The following USP31 variants were observed in gnomAD, a reference collection of about 807,000 sequenced individuals.
The protein encoded by USP31 is ubiquitin specific peptidase 31, also known as ubiquitin carboxyl-terminal hydrolase 31.
A neutral mutation model predicts 119.4 loss-of-function variants in USP31; 44 were observed. That is an observed-to-expected ratio of 0.37 (90% confidence interval 0.29 to 0.47). USP31 has a LOEUF of 0.47. Among genes scored for constraint, USP31 ranks in the 20% least tolerant of loss-of-function variants. USP31 has a pLI of 0.99. For synonymous variants in USP31, 749 were observed against 705.6 expected (o/e 1.06, Z -0.97); for missense variants, 1,643 against 1,730.2 (o/e 0.95, Z 0.89).
At chr16:23,090,019 G>GTAGC (rs1253200632) in intron 7 of USP31, among the ~76,000 whole-genome samples, 1 of 152,198 alleles carries the variant, frequency 6.6e-6, no homozygotes, top group Non-Finnish European at 1.5e-5. Flanking sequence ...TGTCAGGAAA[G>GTAGC]TAGCTGGAAA....
At chr16:23,079,070 T>C (rs997914094) in intron 13 of USP31, 1 of 151,690 alleles carries the variant, frequency 6.6e-6, no homozygotes, top group Non-Finnish European at 1.5e-5. Context: ...GGAGAGAAAA[T>C]GGGAATTAGT....
At chr16:23,090,465 C>T (rs1002283759) in intron 7 of USP31, among the ~76,000 whole-genome samples, 159 bp downstream of exon 7, 1 of 152,056 alleles carries the variant, frequency 6.6e-6, no homozygotes, top group Non-Finnish European at 1.5e-5. Flanking sequence ...CCCGACCAAC[C>T]CCCCAAATCA....
chr16:23,080,580 T>C (rs1249809636), intron 12 of USP31, among the ~76,000 whole-genome samples: 1 of 152,216 alleles, frequency 6.6e-6, no homozygotes, highest in East Asian at 1.9e-4. Flanking sequence ...AGCCTCTTGA[T>C]AAGCAGTGCC....
At chr16:23,134,674 T>TAA (rs371982166) in intron 1 of USP31, among the ~76,000 whole-genome samples, 10 of 86,858 alleles carry the variant, frequency 1.2e-4, no homozygotes, top group Non-Finnish European at 2.3e-4. Flanking sequence ...GAAACAAAGC[T>TAA]AAAAAAAAAA....
intron 1 of USP31, among the ~76,000 whole-genome samples, chr16:23,131,223 G>A (rs922798033): frequency 6.6e-6 from 1 of 152,186 alleles, no homozygotes; most frequent in Non-Finnish European, 1.5e-5. Flanking sequence ...AGGATCTCAA[G>A]CCCTGCAATT....
chr16:23,143,752 G>C (rs1903424366), intron 1 of USP31, among the ~76,000 whole-genome samples: 1 of 152,126 alleles, frequency 6.6e-6, no homozygotes, highest in Admixed American at 6.5e-5. Flanking sequence ...CTTTAGTAAG[G>C]GGGGCTGTCC....
At chr16:23,082,634 A>C in intron 11 of USP31, 77 bp from the exon 12 acceptor site, 1 of 1,589,602 alleles carries the variant, frequency 6.3e-7, no homozygotes, top group South Asian at 1.1e-5. Flanking sequence ...TGCCTTAGCC[A>C]GGGCATGGTG....
chr16:23,146,108 T>C (rs1903494695), intron 1 of USP31, among the ~76,000 whole-genome samples: 1 of 152,116 alleles, frequency 6.6e-6, no homozygotes, highest in Non-Finnish European at 1.5e-5. Flanking sequence ...ACAAAGATGC[T>C]GTAGAAACTG....
intron 1 of USP31, among the ~76,000 whole-genome samples, chr16:23,127,114 T>A (rs566404518): frequency 6.6e-6 from 1 of 152,226 alleles, no homozygotes; most frequent in East Asian, 1.9e-4. Context: ...GGAACCAATC[T>A]ATCAAAATCA....
At position 23,106,201 on chromosome 16, in the gene USP31, A is replaced by AC; in HGVS notation, c.953+11_953+12insG. Reference sequence around the variant, plus strand: ...GAAAATACAGTCTTCATTTTACTAAATCCATTCTTACCTTGTGTGGGGCAG... The same window carrying AC: ...GAAAATACAGTCTTCATTTTACTAAACTCCATTCTTACCTTGTGTGGGGCAG... On this transcript the variant is annotated intron_variant, in intron 4 of 15. Coordinates refer to ENST00000219689, the MANE Select transcript of USP31 (RefSeq NM_020718.4). 1 of 1,614,130 alleles carries AC rather than the reference A, an allele frequency of 6.2e-7. No homozygotes were observed. The highest frequency in any genetic ancestry group is 8.5e-7 in the Non-Finnish European group (1 of 1,179,978).
intron 9 of USP31, 144 bp downstream of exon 9, chr16:23,086,948 T>C: frequency 1.6e-6 from 1 of 609,524 alleles, no homozygotes; most frequent in Non-Finnish European, 2.8e-6. Flanking sequence ...CAAGCACAAA[T>C]CAAAAGTAAA....
intron 12 of USP31, among the ~76,000 whole-genome samples, chr16:23,080,594 T>C (rs531957989): frequency 6.6e-6 from 1 of 152,270 alleles, no homozygotes; most frequent in East Asian, 1.9e-4. Flanking sequence ...CAGTGCCTGT[T>C]CCCCTCCACA....
chr16:23,096,058 T>G (rs745583168), intron 6 of USP31, among the ~76,000 whole-genome samples: 2 of 151,540 alleles, frequency 1.3e-5, no homozygotes, highest in Non-Finnish European at 3.0e-5. Flanking sequence ...GCAAACTGGA[T>G]AGAGTCAAGA....
At chr16:23,139,598 C>G (rs967998984) in intron 1 of USP31, among the ~76,000 whole-genome samples, 1 of 152,088 alleles carries the variant, frequency 6.6e-6, no homozygotes, top group Non-Finnish European at 1.5e-5. Flanking sequence ...TTTTTAGTTT[C>G]CCTCAAAGGC....
chr16:23,079,900 C>T, intron 13 of USP31, 46 bp downstream of exon 13: 4 of 1,512,044 alleles, frequency 2.6e-6, no homozygotes, highest in Non-Finnish European at 3.5e-6. Flanking sequence ...GCAAACCCGT[C>T]TGAAGGACTC....
At chr16:23,121,324 G>A (rs1029389451) in intron 1 of USP31, among the ~76,000 whole-genome samples, 6 of 152,138 alleles carry the variant, frequency 3.9e-5, no homozygotes, top group African/African-American at 1.2e-4. Context: ...ATCAATCACA[G>A]CCTCCGCCCA....
intron 6 of USP31, among the ~76,000 whole-genome samples, chr16:23,101,833 A>C (rs1483101902): frequency 6.6e-6 from 1 of 152,098 alleles, no homozygotes; most frequent in Non-Finnish European, 1.5e-5. Context: ...CCGCAGTAAG[A>C]GGAAAAATAC....
At chr16:23,140,587 TTTTA>T (rs1903325276) in intron 1 of USP31, among the ~76,000 whole-genome samples, 1 of 152,176 alleles carries the variant, frequency 6.6e-6, no homozygotes, top group Non-Finnish European at 1.5e-5. Context: ...ACTATCAATG[TTTTA>T]TTTATCTTCA....
At position 23,067,997 on chromosome 16, in the gene USP31, CTAAA is replaced by C. The variant is rs771802455; in HGVS notation, c.*45_*48del. 13 of 1,545,000 alleles carry C rather than the reference CTAAA, an allele frequency of 8.4e-6. No homozygotes were observed. The highest frequency in any genetic ancestry group is 2.0e-5 in the Admixed American group (1 of 49,288). On this transcript the variant is annotated 3_prime_UTR_variant, in exon 16 of 16. Coordinates refer to ENST00000219689, the MANE Select transcript of USP31 (RefSeq NM_020718.4). ...AGGCTTTGGTGGGAGGGCAGGGGTT[CTAAA>C]TAAATAAACATCTTTACAGATAAAA...
Sources: gnomAD v4.1 joint callset for allele counts (sites outside exome capture counted in the v4.1 genomes callset) on GRCh38, gnomAD v4.1.1 for gene constraint, MANE v1.5 for transcripts, NCBI Gene and HGNC (gene_info 2026-07-23, HGNC 2026-07-21) for gene names.